The following TBC1D21 variants were observed in gnomAD, a reference collection of about 807,000 sequenced individuals.
TBC1D21 encodes the protein TBC1 domain family member 21, also known as male germ cell Rab GTPase-activating protein.
A neutral mutation model predicts 46.0 loss-of-function variants in TBC1D21; 38 were observed. The ratio of observed to expected loss-of-function variants is 0.83; its 90% CI spans 0.64 to 1.08. TBC1D21 has a LOEUF of 1.08. Ranked by LOEUF, TBC1D21 falls within the 50% of genes least tolerant of loss-of-function variation. The pLI, the probability that TBC1D21 is intolerant of heterozygous loss-of-function variation, is 0.00. For synonymous variants in TBC1D21, 151 were observed against 157.2 expected (o/e 0.96, Z 0.29); for missense variants, 415 against 417.9 (o/e 0.99, Z 0.06).
the TBC1D21 span, among the ~76,000 whole-genome samples, chr15:73,904,297 T>C: frequency 0.41 from 62,674 of 151,972 alleles, 13,258 homozygotes; most frequent in Middle Eastern, 0.57. Context: ...TAGCCAGCCA[T>C]GTGTGCACTC....
chr15:73,879,873 CCTGTTG>C (rs1366468890), intron 1 of TBC1D21, among the ~76,000 whole-genome samples: 1 of 77,700 alleles, frequency 1.3e-5, no homozygotes, highest in African/African-American at 3.9e-5. Flanking sequence ...AACCCTCACT[CCTGTTG>C]TTGTTGTTGT....
the TBC1D21 span, among the ~76,000 whole-genome samples, chr15:73,905,951 C>T: frequency 1.3e-5 from 2 of 152,276 alleles, no homozygotes; most frequent in South Asian, 2.1e-4. Flanking sequence ...GAACAAAGAG[C>T]TCCTGCCTGA....
At chr15:73,875,301 G>A (rs1178134153) in intron 1 of TBC1D21, among the ~76,000 whole-genome samples, 2 of 131,818 alleles carry the variant, frequency 1.5e-5, no homozygotes, top group Non-Finnish European at 3.3e-5. Flanking sequence ...AGGAGGGAAG[G>A]AGGGAAGAAG....
At chr15:73,877,199 A>C (rs1402619009) in intron 1 of TBC1D21, among the ~76,000 whole-genome samples, 2 of 152,050 alleles carry the variant, frequency 1.3e-5, no homozygotes. Flanking sequence ...AAATGCATTT[A>C]TTTTCATAAT....
chr15:73,900,256 C>T, the TBC1D21 span, among the ~76,000 whole-genome samples: 1 of 152,184 alleles, frequency 6.6e-6, no homozygotes, highest in Non-Finnish European at 1.5e-5. Flanking sequence ...GGCCCCTCTG[C>T]GCAGACACAG....
chr15:73,878,776 T>G (rs897327157), intron 1 of TBC1D21, among the ~76,000 whole-genome samples: 2 of 152,266 alleles, frequency 1.3e-5, no homozygotes, highest in Admixed American at 6.5e-5. Flanking sequence ...AAAATCCTTA[T>G]GGAAATGCAT....
downstream of TBC1D21, among the ~76,000 whole-genome samples, chr15:73,893,272 C>G (rs1367590374): frequency 1.3e-5 from 2 of 152,132 alleles, no homozygotes; most frequent in Non-Finnish European, 2.9e-5. Context: ...GTGACTAATT[C>G]ATTCTGAAAA....
the TBC1D21 span, among the ~76,000 whole-genome samples, chr15:73,909,170 G>A: frequency 1.3e-5 from 2 of 152,300 alleles, no homozygotes; most frequent in South Asian, 2.1e-4. Flanking sequence ...TCAGCAGTTC[G>A]AGACCAGCGT....
chr15:73,877,427 A>C (rs2068084779), intron 1 of TBC1D21, among the ~76,000 whole-genome samples: 2 of 150,832 alleles, frequency 1.3e-5, no homozygotes, highest in Admixed American at 1.3e-4. Context: ...TCCCACAAAG[A>C]AAACTTTAGC....
chr15:73,897,535 CTCT>C, the TBC1D21 span, among the ~76,000 whole-genome samples: 626 of 152,342 alleles, frequency 4.1e-3, 1 homozygote, highest in African/African-American at 0.015. Context: ...GAGCCACCTC[CTCT>C]TTCCTGTGGA....
chr15:73,885,213 C>T (rs2141574805), intron 6 of TBC1D21, 110 bp downstream of exon 6: 1 of 952,982 alleles, frequency 1.0e-6, no homozygotes, highest in South Asian at 1.4e-5. Context: ...TCCTTCCAGG[C>T]TTCTGGGTCT....
chr15:73,885,346 G>T (rs905143829), intron 6 of TBC1D21, among the ~76,000 whole-genome samples: 1 of 152,190 alleles, frequency 6.6e-6, no homozygotes, highest in Non-Finnish European at 1.5e-5. Context: ...AACCTTGAAA[G>T]AGCATGGCTG....
downstream of TBC1D21, among the ~76,000 whole-genome samples, chr15:73,893,485 T>G (rs1245318986): frequency 1.3e-5 from 2 of 152,222 alleles, no homozygotes; most frequent in African/African-American, 2.4e-5. Context: ...TCTTTCACTC[T>G]TCTTCTAAGC....
the TBC1D21 span, among the ~76,000 whole-genome samples, chr15:73,901,883 C>T: frequency 6.6e-6 from 1 of 152,120 alleles, no homozygotes; most frequent in East Asian, 1.9e-4. Context: ...ACCACCATGG[C>T]TCACTGCAGC....
the TBC1D21 span, among the ~76,000 whole-genome samples, chr15:73,901,191 T>C: frequency 5.9e-5 from 9 of 152,342 alleles, no homozygotes; most frequent in East Asian, 1.7e-3. Flanking sequence ...GGGCTCAAAG[T>C]TGAGTCCCTC....
chr15:73,906,679 G>T, the TBC1D21 span, among the ~76,000 whole-genome samples: 1 of 152,204 alleles, frequency 6.6e-6, no homozygotes. Context: ...CCCTTGAGAG[G>T]AAGAAAAGGG....
chr15:73,894,618 G>C, the TBC1D21 span, among the ~76,000 whole-genome samples: 1 of 152,174 alleles, frequency 6.6e-6, no homozygotes, highest in Non-Finnish European at 1.5e-5. Flanking sequence ...GTCCCGCATG[G>C]AAGCAGCAGC....
chr15:73,881,775 A>G (rs1247139783), intron 3 of TBC1D21, 28 bp downstream of exon 3: 8 of 1,597,988 alleles, frequency 5.0e-6, no homozygotes, highest in Non-Finnish European at 6.9e-6. Flanking sequence ...CTGCTGGGAC[A>G]GGAGGGGGGC....
At chr15:73,902,101 C>A in the TBC1D21 span, among the ~76,000 whole-genome samples, 1 of 152,202 alleles carries the variant, frequency 6.6e-6, no homozygotes, top group African/African-American at 2.4e-5. Context: ...AGACACGAGC[C>A]ACCGCGCCTG....
Sources: gnomAD v4.1 joint callset for allele counts (sites outside exome capture counted in the v4.1 genomes callset) on GRCh38, gnomAD v4.1.1 for gene constraint, MANE v1.5 for transcripts, NCBI Gene and HGNC (gene_info 2026-07-23, HGNC 2026-07-21) for gene names.